The following ZNF385D variants were observed in gnomAD, a reference collection of about 807,000 sequenced individuals.
ZNF385D encodes zinc finger protein 659.
A neutral mutation model predicts 35.8 loss-of-function variants in ZNF385D; 15 were observed. The observed-to-expected ratio is 0.42, with a 90% CI of 0.28 to 0.64. The LOEUF (loss-of-function observed/expected upper bound fraction) is 0.64. Among genes scored for constraint, ZNF385D ranks in the 30% least tolerant of loss-of-function variants. The pLI is 0.23. For missense variants in ZNF385D, 474 were observed against 494.6 expected, an observed-to-expected ratio of 0.96 and a Z score of 0.39; for synonymous variants, 212 against 186.8, an observed-to-expected ratio of 1.13 and a Z score of -1.10.
At chr3:22,142,104 A>C (rs1388780442) in intron 3 of ZNF385D, among the ~76,000 whole-genome samples, 1 of 152,222 alleles carries the variant, frequency 6.6e-6, no homozygotes, top group Non-Finnish European at 1.5e-5. Flanking sequence ...AGAGCTTGAA[A>C]GAACCTTGGA....
At chr3:22,204,508 A>G (rs955996233) in intron 2 of ZNF385D, among the ~76,000 whole-genome samples, 5 of 152,016 alleles carry the variant, frequency 3.3e-5, no homozygotes, top group Admixed American at 6.6e-5. Context: ...TCCCCATACA[A>G]ACTAAGTAAG....
chr3:21,520,052 C>A (rs931906173), intron 3 of ZNF385D, among the ~76,000 whole-genome samples: 1 of 152,318 alleles, frequency 6.6e-6, no homozygotes, highest in Non-Finnish European at 1.5e-5. Context: ...TGCTCTCTAG[C>A]ACGTGTAGTG....
chr3:21,454,844 T>C (rs1221909569), intron 4 of ZNF385D, among the ~76,000 whole-genome samples: 2 of 152,116 alleles, frequency 1.3e-5, no homozygotes, highest in Non-Finnish European at 2.9e-5. Flanking sequence ...AAAACCCCAT[T>C]GTCTAAGCCC....
intron 3 of ZNF385D, among the ~76,000 whole-genome samples, chr3:22,096,219 T>C (rs1222228436): frequency 1.3e-5 from 2 of 151,998 alleles, no homozygotes; most frequent in Non-Finnish European, 2.9e-5. Context: ...TTGAGTAGCA[T>C]GCTCACTACC....
intron 3 of ZNF385D, among the ~76,000 whole-genome samples, chr3:22,041,966 C>G (rs973752578): frequency 1.3e-5 from 2 of 152,048 alleles, no homozygotes; most frequent in African/African-American, 4.8e-5. Context: ...GAATTAAGAC[C>G]AGTATAAACT....
intron 3 of ZNF385D, among the ~76,000 whole-genome samples, chr3:22,023,987 G>A (rs562280972): frequency 1.3e-5 from 2 of 152,272 alleles, no homozygotes; most frequent in African/African-American, 4.8e-5. Context: ...GATCCCCTGG[G>A]TATGTCTGTG....
chr3:21,508,650 C>T (rs918829736), intron 4 of ZNF385D, among the ~76,000 whole-genome samples: 19 of 152,084 alleles, frequency 1.2e-4, no homozygotes, highest in South Asian at 6.2e-4. Flanking sequence ...AAGAATAAGA[C>T]CACCCCAACC....
chr3:21,437,257 C>A, intron 4 of ZNF385D, 54 bp from the exon 5 acceptor site: 1 of 1,498,346 alleles, frequency 6.7e-7, no homozygotes, highest in South Asian at 1.2e-5. Flanking sequence ...ATTATCTTTC[C>A]CTATTCAGGA....
intron 3 of ZNF385D, among the ~76,000 whole-genome samples, chr3:21,770,070 T>G (rs754302761): frequency 6.6e-6 from 1 of 152,132 alleles, no homozygotes; most frequent in Non-Finnish European, 1.5e-5. Flanking sequence ...TCCTTATACC[T>G]TATACAAAAA....
At chr3:21,932,440 A>C (rs952043305) in intron 3 of ZNF385D, among the ~76,000 whole-genome samples, 10 of 151,944 alleles carry the variant, frequency 6.6e-5, no homozygotes, top group Admixed American at 5.9e-4. Flanking sequence ...AGTGATGCTC[A>C]ACATTGCCTT....
intron 3 of ZNF385D, among the ~76,000 whole-genome samples, chr3:21,980,787 G>A (rs548172089): frequency 4.6e-5 from 7 of 152,018 alleles, no homozygotes; most frequent in Middle Eastern, 6.8e-3. Context: ...TTATCATTTG[G>A]CTCCCACTTA....
chr3:22,082,266 G>A (rs1415659374), intron 3 of ZNF385D, among the ~76,000 whole-genome samples: 2 of 152,078 alleles, frequency 1.3e-5, no homozygotes, highest in African/African-American at 2.4e-5. Context: ...CACCCAGTAA[G>A]TGCAAGGGGT....
At chr3:21,493,853 A>C (rs955922892) in intron 4 of ZNF385D, among the ~76,000 whole-genome samples, 2 of 152,180 alleles carry the variant, frequency 1.3e-5, no homozygotes, top group African/African-American at 4.8e-5. Context: ...AATTCCAAGG[A>C]GATCATACAT....
chr3:21,961,499 AAATAAATTGTAATCATGC>A (rs2125319565), intron 3 of ZNF385D: 1 of 152,202 alleles, frequency 6.6e-6, no homozygotes, highest in East Asian at 1.9e-4. Flanking sequence ...ATTTGCAATG[AAATAAATTGTAATCATGC>A]AGGAAAAATT....
At chr3:21,601,091 GTTTTT>G (rs1011897045) in intron 2 of ZNF385D, among the ~76,000 whole-genome samples, 6 of 152,018 alleles carry the variant, frequency 3.9e-5, no homozygotes, top group African/African-American at 7.2e-5. Flanking sequence ...TTTCAAGGAG[GTTTTT>G]ATTTTTCACT....
intron 3 of ZNF385D, among the ~76,000 whole-genome samples, chr3:21,526,485 A>G (rs1575108131): frequency 6.6e-6 from 1 of 152,168 alleles, no homozygotes; most frequent in East Asian, 1.9e-4. Flanking sequence ...ATATATCTAT[A>G]TATACATTAT....
intron 3 of ZNF385D, among the ~76,000 whole-genome samples, chr3:21,810,639 G>A (rs1210445154): frequency 6.6e-6 from 1 of 151,900 alleles, no homozygotes; most frequent in Non-Finnish European, 1.5e-5. Context: ...TGAATCAGAT[G>A]GAGAGTACTG....
At chr3:22,150,665 T>A (rs941256994) in intron 3 of ZNF385D, among the ~76,000 whole-genome samples, 1 of 152,196 alleles carries the variant, frequency 6.6e-6, no homozygotes, top group African/African-American at 2.4e-5. Context: ...AGGATAGTAG[T>A]TAAGATATCT....
chr3:21,588,247 A>G (rs961822764), intron 2 of ZNF385D, among the ~76,000 whole-genome samples: 1 of 152,172 alleles, frequency 6.6e-6, no homozygotes, highest in Non-Finnish European at 1.5e-5. Flanking sequence ...TAGTGGGAGA[A>G]AAGTTACAAG....
Sources: gnomAD v4.1 joint callset for allele counts (sites outside exome capture counted in the v4.1 genomes callset) on GRCh38, gnomAD v4.1.1 for gene constraint, MANE v1.5 for transcripts, NCBI Gene and HGNC (gene_info 2026-07-23, HGNC 2026-07-21) for gene names.